The following RPS6KC1 variants were observed in gnomAD, a reference collection of about 807,000 sequenced individuals.
RPS6KC1 encodes the protein ribosomal protein S6 kinase C1, also known as inactive ribosomal protein S6 kinase delta-1.
In RPS6KC1, 54 loss-of-function variants were observed where a neutral mutation model predicts 103.8. That is an observed-to-expected ratio of 0.52 (90% CI 0.42 to 0.65). RPS6KC1 has a LOEUF of 0.65. RPS6KC1 is among the 30% of genes least tolerant of loss of function. RPS6KC1 has a pLI of 0.00. For synonymous variants in RPS6KC1, 439 were observed against 438.7 expected (o/e 1.00, Z -0.01); for missense variants, 1,151 against 1,253.8 (o/e 0.92, Z 1.24).
the RPS6KC1 span, among the ~76,000 whole-genome samples, chr1:213,781,470 G>T: frequency 2.6e-5 from 4 of 152,184 alleles, no homozygotes; most frequent in African/African-American, 9.7e-5. Flanking sequence ...TAAGACAAGG[G>T]AGAAAGACAC....
the RPS6KC1 span, among the ~76,000 whole-genome samples, chr1:213,637,466 G>A: frequency 6.6e-6 from 1 of 152,044 alleles, no homozygotes; most frequent in Non-Finnish European, 1.5e-5. Context: ...ACCTAATGTT[G>A]GTGACGAGTT....
chr1:213,772,771 T>C, the RPS6KC1 span, among the ~76,000 whole-genome samples: 1 of 152,142 alleles, frequency 6.6e-6, no homozygotes, highest in African/African-American at 2.4e-5. Context: ...ATCTTCTTGA[T>C]GGGTGGATAT....
chr1:213,621,422 G>A, the RPS6KC1 span, among the ~76,000 whole-genome samples: 1 of 128,810 alleles, frequency 7.8e-6, no homozygotes, highest in African/African-American at 2.8e-5. Context: ...TTGTGGGTGG[G>A]GGGTGGGTTG....
intron 5 of RPS6KC1, among the ~76,000 whole-genome samples, chr1:213,122,985 G>T (rs1028971438): frequency 6.6e-6 from 1 of 152,114 alleles, no homozygotes; most frequent in African/African-American, 2.4e-5. Flanking sequence ...GATATTAGGA[G>T]TTTAGGGGTT....
the RPS6KC1 span, among the ~76,000 whole-genome samples, chr1:213,505,130 AC>A: frequency 1.3e-5 from 2 of 151,906 alleles, no homozygotes; most frequent in Non-Finnish European, 2.9e-5. Context: ...ACTTCCACTT[AC>A]CCCAAGTATC....
At chr1:213,079,157 C>G (rs1009263054) in intron 3 of RPS6KC1, among the ~76,000 whole-genome samples, 15 of 151,922 alleles carry the variant, frequency 9.9e-5, no homozygotes, top group Admixed American at 3.9e-4. Context: ...TTAATATGTA[C>G]ATAGTATTCC....
At chr1:213,574,831 G>C in the RPS6KC1 span, among the ~76,000 whole-genome samples, 29 of 152,284 alleles carry the variant, frequency 1.9e-4, no homozygotes, top group East Asian at 4.8e-3. Flanking sequence ...GGGAAACGAG[G>C]ACCCTGATCC....
At chr1:213,652,754 G>C in the RPS6KC1 span, among the ~76,000 whole-genome samples, 3 of 152,174 alleles carry the variant, frequency 2.0e-5, no homozygotes, top group Admixed American at 2.0e-4. Flanking sequence ...GTCTGTACCA[G>C]ATGTGCGAGT....
At chr1:213,166,551 G>A (rs896155744) in intron 6 of RPS6KC1, among the ~76,000 whole-genome samples, 1 of 152,090 alleles carries the variant, frequency 6.6e-6, no homozygotes, top group Non-Finnish European at 1.5e-5. Context: ...TTTTAATTGC[G>A]GGTTGAGGAG....
chr1:213,813,649 T>A, the RPS6KC1 span, among the ~76,000 whole-genome samples: 1 of 152,136 alleles, frequency 6.6e-6, no homozygotes, highest in Non-Finnish European at 1.5e-5. Flanking sequence ...ACTAAAAACC[T>A]TTAGAAAACT....
chr1:213,691,306 G>A, the RPS6KC1 span, among the ~76,000 whole-genome samples: 3 of 152,142 alleles, frequency 2.0e-5, no homozygotes, highest in Non-Finnish European at 4.4e-5. Flanking sequence ...ATACTTGAGC[G>A]GATATGCTGT....
chr1:213,251,290 G>T (rs1002135287), intron 12 of RPS6KC1, among the ~76,000 whole-genome samples: 1 of 152,128 alleles, frequency 6.6e-6, no homozygotes, highest in Non-Finnish European at 1.5e-5. Flanking sequence ...TGTGTTTTTA[G>T]TAGAGACGGA....
chr1:213,491,910 G>A, the RPS6KC1 span, among the ~76,000 whole-genome samples: 3,956 of 152,218 alleles, frequency 0.026, 181 homozygotes, highest in African/African-American at 0.091. Context: ...TCAGGGGGAA[G>A]GTGTTAAATG....
At chr1:213,081,402 C>T (rs1364788137) in intron 3 of RPS6KC1, among the ~76,000 whole-genome samples, 2 of 152,070 alleles carry the variant, frequency 1.3e-5, no homozygotes, top group African/African-American at 4.8e-5. Flanking sequence ...TTCACGGGAA[C>T]TAAGAGTGAG....
chr1:213,099,959 T>C (rs1015199643), intron 3 of RPS6KC1, among the ~76,000 whole-genome samples: 5 of 152,220 alleles, frequency 3.3e-5, no homozygotes, highest in African/African-American at 1.2e-4. Flanking sequence ...TATGGACATA[T>C]GTTTCTCTTG....
the RPS6KC1 span, among the ~76,000 whole-genome samples, chr1:213,318,056 C>T: frequency 0.45 from 67,963 of 152,132 alleles, 18,548 homozygotes; most frequent in East Asian, 0.66. Context: ...GGGCTGTGTT[C>T]GCTTGGAGAG....
chr1:213,739,817 A>G, the RPS6KC1 span, among the ~76,000 whole-genome samples: 1 of 152,226 alleles, frequency 6.6e-6, no homozygotes, highest in Non-Finnish European at 1.5e-5. Flanking sequence ...ATTTTAAGGT[A>G]CGCAAAGATT....
chr1:213,412,475 G>A, the RPS6KC1 span, among the ~76,000 whole-genome samples: 1 of 152,192 alleles, frequency 6.6e-6, no homozygotes, highest in Non-Finnish European at 1.5e-5. Context: ...TCTCTGCAGT[G>A]GCTTCTTGAC....
the RPS6KC1 span, among the ~76,000 whole-genome samples, chr1:213,809,466 G>A: frequency 6.6e-6 from 1 of 152,110 alleles, no homozygotes; most frequent in Non-Finnish European, 1.5e-5. Flanking sequence ...TTGGAAAAAT[G>A]TCACTAACAA....
Sources: allele counts gnomAD v4.1 joint callset (sites outside exome capture counted in the v4.1 genomes callset), GRCh38; gene constraint gnomAD v4.1.1; transcripts MANE v1.5; gene names NCBI Gene and HGNC (gene_info 2026-07-23, HGNC 2026-07-21).